Variants in SLC4A4 observed in about 807,000 individuals in gnomAD.
SLC4A4 encodes the protein solute carrier family 4 member 4.
A neutral mutation model predicts 111.5 loss-of-function variants in SLC4A4; 27 were observed. The ratio of observed to expected loss-of-function variants is 0.24; its 90% CI spans 0.18 to 0.33. The LOEUF is 0.33. SLC4A4 is among the 10% of genes least tolerant of loss of function. SLC4A4 has a pLI of 1.00. For synonymous variants in SLC4A4, 443 were observed against 463.4 expected, an observed-to-expected ratio of 0.96 and a Z score of 0.57; for missense variants, 909 against 1,315.5, an observed-to-expected ratio of 0.69 and a Z score of 4.78.
chr4:71,262,230 T>C (rs917038771), intron 3 of SLC4A4, among the ~76,000 whole-genome samples: 1 of 152,178 alleles, frequency 6.6e-6, no homozygotes, highest in Non-Finnish European at 1.5e-5. Context: ...AAGGAAATAA[T>C]TCTTAAAGAA....
At chr4:71,327,537 CAT>C (rs1727599426) in intron 3 of SLC4A4, among the ~76,000 whole-genome samples, 1 of 151,944 alleles carries the variant, frequency 6.6e-6, no homozygotes, top group African/African-American at 2.4e-5. Flanking sequence ...GTAACTATTT[CAT>C]AGACTTGTGT....
At chr4:71,225,563 C>T (rs1259706841) in intron 1 of SLC4A4, among the ~76,000 whole-genome samples, 1 of 152,152 alleles carries the variant, frequency 6.6e-6, no homozygotes, top group Non-Finnish European at 1.5e-5. Flanking sequence ...CTCATCCCTG[C>T]CAGCTGGGTG....
At chr4:71,381,801 TTTTG>T (rs1004060526) in intron 6 of SLC4A4, among the ~76,000 whole-genome samples, 81 of 152,156 alleles carry the variant, frequency 5.3e-4, no homozygotes, top group African/African-American at 1.9e-3. Flanking sequence ...ACTAGACTGT[TTTTG>T]TTTGTTTGTT....
chr4:71,457,573 T>A (rs1726398459), intron 12 of SLC4A4, among the ~76,000 whole-genome samples: 1 of 152,112 alleles, frequency 6.6e-6, no homozygotes, highest in Admixed American at 6.6e-5. Flanking sequence ...AACATAAGCT[T>A]TCCGAAGTCT....
chr4:71,490,299 G>C (rs1729781211), intron 15 of SLC4A4, among the ~76,000 whole-genome samples: 1 of 151,782 alleles, frequency 6.6e-6, no homozygotes, highest in African/African-American at 2.4e-5. Context: ...TGATTGAAAG[G>C]ATCAGTTAGT....
intron 2 of SLC4A4, among the ~76,000 whole-genome samples, chr4:71,103,748 A>C (rs532361246): frequency 2.6e-5 from 4 of 152,256 alleles, no homozygotes; most frequent in Non-Finnish European, 5.9e-5. Context: ...AACATACCAG[A>C]ATCTCTGGGA....
At chr4:71,386,910 C>T (rs1023301757) in intron 6 of SLC4A4, among the ~76,000 whole-genome samples, 1 of 152,138 alleles carries the variant, frequency 6.6e-6, no homozygotes, top group Admixed American at 6.5e-5. Context: ...AAGCAGGAGG[C>T]ATAATTCTGA....
In SLC4A4 at chr4:71,347,798, C is replaced by T. The variant is rs144358540; in HGVS notation, c.390-2114C>T. Reference sequence around the variant, plus strand: ...AGAAGGAAGTAAAGGCCTTGTAAAACACTCCCCTTTACAGGGCTTCTAGCT... The same window carrying T: ...AGAAGGAAGTAAAGGCCTTGTAAAATACTCCCCTTTACAGGGCTTCTAGCT... On this transcript the variant is annotated intron_variant, in intron 4 of 25. Coordinates refer to ENST00000264485, the MANE Select transcript of SLC4A4 (RefSeq NM_001098484.3). Among the ~76,000 whole-genome samples, 8 of 152,224 alleles carry T rather than the reference C, an allele frequency of 5.3e-5. No individual in the cohort carries two copies. The East Asian group carries it at 1.5e-3, about 29-fold the overall frequency.
At chr4:71,441,506 CT>C (rs1190291025) in intron 8 of SLC4A4, among the ~76,000 whole-genome samples, 2 of 148,080 alleles carry the variant, frequency 1.4e-5, no homozygotes, top group South Asian at 2.1e-4. Flanking sequence ...ATGAATAGGA[CT>C]TTTTTTTGGG....
At chr4:71,064,863 T>A (rs546402728) in intron 1 of SLC4A4, among the ~76,000 whole-genome samples, 3 of 152,358 alleles carry the variant, frequency 2.0e-5, no homozygotes, top group African/African-American at 7.2e-5. Context: ...AACATCCTTC[T>A]GTCTCTTCTA....
At position 71,472,830 on chromosome 4, in the gene SLC4A4, T is replaced by C; in HGVS notation, c.1763T>C (p.Phe588Ser). 6.2e-7 allele frequency: 1 copy of C among 1,612,978 alleles called. No homozygotes were observed. Among genetic ancestry groups the C allele is most frequent in the South Asian group, 1.1e-5 (1 of 91,046 alleles). ...QYFTRFTEEGFSSLISFIFIY... is the reference protein window; with the variant it reads ...QYFTRFTEEGSSSLISFIFIY... Reference sequence around the variant, plus strand: ...TTCACACGTTTCACGGAGGAGGGCTTTTCCTCTCTGATTAGCTTCATCTTT... The same window carrying C: ...TTCACACGTTTCACGGAGGAGGGCTCTTCCTCTCTGATTAGCTTCATCTTT... Residue 588 changes from phenylalanine (F) to serine (S), a missense_variant, in exon 14 of 26, where the codon TTT (phenylalanine) becomes TCT (serine). Transcript: ENST00000264485.
chr4:71,289,635 G>T (rs1431251344), intron 3 of SLC4A4, among the ~76,000 whole-genome samples: 1 of 152,224 alleles, frequency 6.6e-6, no homozygotes, highest in African/African-American at 2.4e-5. Context: ...TGATGCCAAA[G>T]ATATGGGGCT....
chr4:71,116,398 A>AT (rs1743250401), intron 2 of SLC4A4, among the ~76,000 whole-genome samples: 6 of 152,152 alleles, frequency 3.9e-5, no homozygotes, highest in Admixed American at 3.9e-4. Context: ...CTAGCTTAGA[A>AT]TTTTCTACCT....
intron 15 of SLC4A4, among the ~76,000 whole-genome samples, chr4:71,492,380 G>A (rs763340825): frequency 1.7e-4 from 26 of 151,740 alleles, no homozygotes; most frequent in South Asian, 4.2e-4. Context: ...TCAGAACTGC[G>A]AGCAGATCCA....
At chr4:71,399,446 T>C (rs1431910638) in intron 7 of SLC4A4, among the ~76,000 whole-genome samples, 4 of 133,822 alleles carry the variant, frequency 3.0e-5, no homozygotes, top group Non-Finnish European at 4.8e-5. Flanking sequence ...CCCCTCCCCT[T>C]CCGTCCCCTC....
intron 14 of SLC4A4, among the ~76,000 whole-genome samples, chr4:71,486,567 C>A (rs540472794): frequency 6.6e-6 from 1 of 151,522 alleles, no homozygotes; most frequent in East Asian, 2.0e-4. Flanking sequence ...GGAAATTTTC[C>A]TGTACATTCT....
chr4:71,512,761 T>A (rs1372123673), intron 16 of SLC4A4, among the ~76,000 whole-genome samples: 1 of 152,166 alleles, frequency 6.6e-6, no homozygotes, highest in Non-Finnish European at 1.5e-5. Context: ...ATTTTTATAG[T>A]TTTGGGTCTT....
At chr4:71,089,600 A>C (rs1253361012) in intron 1 of SLC4A4, among the ~76,000 whole-genome samples, 1 of 151,942 alleles carries the variant, frequency 6.6e-6, no homozygotes, top group South Asian at 2.1e-4. Context: ...TCTGTTTGTT[A>C]GTTTTCCTTC....
At chr4:71,094,291 G>A (rs76053021) in intron 2 of SLC4A4, among the ~76,000 whole-genome samples, 2,128 of 152,266 alleles carry the variant, frequency 0.014, 49 homozygotes, top group African/African-American at 0.049. Flanking sequence ...CTCACATATT[G>A]ATGATCAGAG....
Sources: gnomAD v4.1 joint callset for allele counts (sites outside exome capture counted in the v4.1 genomes callset) on GRCh38, gnomAD v4.1.1 for gene constraint, MANE v1.5 for transcripts, NCBI Gene and HGNC (gene_info 2026-07-23, HGNC 2026-07-21) for gene names.